Variants in LAD1 observed in about 807,000 individuals in gnomAD.
The protein encoded by LAD1 is ladinin 1.
A neutral mutation model predicts 54.2 loss-of-function variants in LAD1; 53 were observed. The ratio of observed to expected loss-of-function variants is 0.98; its 90% CI spans 0.78 to 1.23. The LOEUF (loss-of-function observed/expected upper bound fraction) is 1.23. LAD1 is among the 50% of genes most tolerant of loss of function. The pLI is 0.00. For missense variants in LAD1, 637 were observed against 653.3 expected (o/e 0.98, Z 0.27); for synonymous variants, 231 against 257.7 (o/e 0.90, Z 0.99).
chr1:201,384,627 C>T (rs146641276), intron 5 of LAD1, 165 bp downstream of exon 5: 5 of 700,276 alleles, frequency 7.1e-6, no homozygotes, highest in Non-Finnish European at 2.5e-6. Context: ...TGAGTTCATC[C>T]TGTTAATCCC....
intron 1 of LAD1, among the ~76,000 whole-genome samples, chr1:201,396,235 C>T (rs990833790): frequency 1.3e-5 from 2 of 152,120 alleles, no homozygotes; most frequent in Admixed American, 1.3e-4. Context: ...CCCTTTCCCC[C>T]ACCTCCTGGC....
At chr1:201,389,130 A>T in intron 2 of LAD1, 30 bp downstream of exon 2, 1 of 1,606,952 alleles carries the variant, frequency 6.2e-7, no homozygotes, top group African/African-American at 1.3e-5. Flanking sequence ...GTCCATCCCC[A>T]TCCATCAGGA....
intron 1 of LAD1, among the ~76,000 whole-genome samples, chr1:201,398,994 A>AG (rs376063325): frequency 1.2e-4 from 18 of 152,204 alleles, no homozygotes; most frequent in Admixed American, 3.3e-4. Context: ...CACCTTCCAC[A>AG]GGGGGGGCCA....
chr1:201,387,691 C>T (rs1286887064), intron 2 of LAD1, among the ~76,000 whole-genome samples: 3 of 152,140 alleles, frequency 2.0e-5, no homozygotes, highest in African/African-American at 7.2e-5. Context: ...CTGGTGCAGC[C>T]CAGCTCTGGA....
chr1:201,384,947 A>C, intron 4 of LAD1, 112 bp from the exon 5 acceptor site: 1 of 944,184 alleles, frequency 1.1e-6, no homozygotes, highest in African/African-American at 1.6e-5. Context: ...CAGACCTCCC[A>C]CCCCTTCTAC....
At chr1:201,384,208 C>A (rs1187954203) in intron 5 of LAD1, among the ~76,000 whole-genome samples, 2 of 152,116 alleles carry the variant, frequency 1.3e-5, no homozygotes, top group Non-Finnish European at 2.9e-5. Context: ...TCCACCCCCA[C>A]CCCAGCCCCC....
In LAD1 at chr1:201,383,397, A is replaced by G. The variant is rs533026982; in HGVS notation, c.1176-8T>C. ...GGGAGCTTCATGCTGGCACTGCAGG[A>G]TGGAAGATGGAACAGGCGAGCCAAG... is the stretch of plus-strand genomic sequence containing the variant. On this transcript the variant is annotated splice_region_variant and splice_polypyrimidine_tract_variant and intron_variant, in intron 5 of 9. Coordinates refer to ENST00000391967, the MANE Select transcript of LAD1 (RefSeq NM_005558.4). 1.2e-6 allele frequency: 2 copies of G among 1,613,916 alleles called. No individual in the cohort carries two copies. The highest frequency in any genetic ancestry group is 2.2e-5 in the South Asian group (2 of 91,070).
At chr1:201,384,962 G>T in intron 4 of LAD1, 127 bp from the exon 5 acceptor site, 1 of 821,576 alleles carries the variant, frequency 1.2e-6, no homozygotes, top group Non-Finnish European at 2.0e-6. Flanking sequence ...TTCTACCAGG[G>T]GTCAACCCCA....
chr1:201,385,447 G>A (rs576317315), intron 4 of LAD1, among the ~76,000 whole-genome samples: 32 of 152,302 alleles, frequency 2.1e-4, no homozygotes, highest in African/African-American at 5.1e-4. Context: ...CTGCCTGTCC[G>A]GTCTTCATGC....
chr1:201,383,053 T>G lies in LAD1; in HGVS notation c.1386+21A>C, dbSNP rs764774631. On this transcript the variant is annotated intron_variant, in intron 7 of 9. Coordinates refer to ENST00000391967, the MANE Select transcript of LAD1 (RefSeq NM_005558.4). ...TCAGGGCTAATCACCCTAAGGACCC[T>G]GTGGGGCCTGAGCCCCTCACCTTCC... The G allele has an allele frequency of 4.4e-6, 7 of 1,606,464 alleles. No homozygotes were observed. In the Admixed American group the frequency reaches 1.0e-4, roughly 23 times the overall value.
rs1464409968 is a variant in LAD1 at position 201,389,312 on chromosome 1, G to A, written c.39-9C>T. On this transcript the variant is annotated splice_polypyrimidine_tract_variant and intron_variant, in intron 1 of 9. Coordinates refer to ENST00000391967, the MANE Select transcript of LAD1 (RefSeq NM_005558.4). ...TCCTCTGCCGGGCAAGGCTGGGGGA[G>A]GGGAGGAGAGGGTCAGCACAGCTGG... is the stretch of plus-strand genomic sequence containing the variant. 2 of 1,609,126 alleles carry A rather than the reference G, an allele frequency of 1.2e-6. No homozygotes were observed. The highest frequency in any genetic ancestry group is 1.7e-6 in the Non-Finnish European group (2 of 1,179,138).
intron 2 of LAD1, among the ~76,000 whole-genome samples, chr1:201,387,988 G>T (rs1272495040): frequency 2.6e-5 from 4 of 152,146 alleles, no homozygotes; most frequent in African/African-American, 9.7e-5. Context: ...TCATGAGGGT[G>T]CCCAGGACAG....
intron 2 of LAD1, 98 bp from the exon 3 acceptor site, chr1:201,387,276 G>A: frequency 7.5e-7 from 1 of 1,330,636 alleles, no homozygotes; most frequent in Admixed American, 2.8e-5. Context: ...CACCAAGGAG[G>A]AGGTGAGGAT....
chr1:201,387,052 C>A lies in LAD1; in HGVS notation c.309G>T (p.Glu103Asp). The change falls in exon 3 of 10, where the codon GAG becomes GAT. Residue 103 changes from glutamate to aspartate, a missense_variant. Coordinates refer to ENST00000391967, the MANE Select transcript of LAD1 (RefSeq NM_005558.4). The stretch of plus-strand genomic sequence containing the variant: ...TCTCCTGGATGGGGGCCTGTGCAGC[C>A]TCCACCACCTGCCGCCTCTGCCTCC... The part of the protein sequence containing the change: ...QERRQRRQVV[E>D]AAQAPIQERL... The A allele has an allele frequency of 6.2e-7, 1 of 1,612,378 alleles. No individual in the cohort carries two copies. The highest frequency in any genetic ancestry group is 8.5e-7 in the Non-Finnish European group (1 of 1,179,328).
Position 201,383,322 on chromosome 1 carries a change from T to C in LAD1, c.1243A>G (p.Ile415Val), listed in dbSNP as rs200121332. Residue 415 changes from isoleucine to valine, a missense_variant, in exon 6 of 10, where the codon ATA becomes GTA. Transcript: ENST00000391967. ...GEKLERYHTA[I>V]RRSESVKSRG... ...CAGGAGAAGCCCCCACCCACCCGTA[T>C]GGCCGTGTGGTATCTCTCCAGCTTC... The C allele has an allele frequency of 3.5e-5, 57 of 1,614,002 alleles. No individual in the cohort carries two copies. The highest frequency in any genetic ancestry group is 4.7e-5 in the Non-Finnish European group (56 of 1,179,950).
intron 1 of LAD1, among the ~76,000 whole-genome samples, chr1:201,396,012 C>T (rs1055564854): frequency 1.3e-5 from 2 of 149,986 alleles, no homozygotes; most frequent in Non-Finnish European, 3.0e-5. Context: ...TATTCCCTAC[C>T]CCAGGACAGG....
rs538427672 is a variant in LAD1, at chr1:201,391,584, G to C, written c.39-2281C>G. ...GAGATATTGACAATCCAGTGAAAAA[G>C]AGAAGTGTGTCCACCAATAACTCCC... On this transcript the variant is annotated intron_variant, in intron 1 of 9. Coordinates refer to ENST00000391967, the MANE Select transcript of LAD1 (RefSeq NM_005558.4). 9.2e-5 allele frequency among the ~76,000 whole-genome samples: 14 copies of C among 152,334 alleles called. No homozygotes were observed. The East Asian group carries it at 2.5e-3, about 27-fold the overall frequency.
At chr1:201,395,631 G>A (rs897364824) in intron 1 of LAD1, among the ~76,000 whole-genome samples, 4 of 152,092 alleles carry the variant, frequency 2.6e-5, no homozygotes, top group Admixed American at 6.5e-5. Flanking sequence ...GGTGGCGGGC[G>A]CCTGTAATCC....
At chr1:201,385,647 C>G in intron 4 of LAD1, 54 bp downstream of exon 4, 1 of 1,286,430 alleles carries the variant, frequency 7.8e-7, no homozygotes, top group Non-Finnish European at 1.1e-6. Flanking sequence ...TGGATGCGGG[C>G]TTCCTCCACT....
Sources: allele counts gnomAD v4.1 joint callset (sites outside exome capture counted in the v4.1 genomes callset), GRCh38; gene constraint gnomAD v4.1.1; transcripts MANE v1.5; gene names NCBI Gene and HGNC (gene_info 2026-07-23, HGNC 2026-07-21).